The following NFATC2 variants were observed in gnomAD, a reference collection of about 807,000 sequenced individuals.
NFATC2 encodes the protein nuclear factor of activated T-cells, cytoplasmic 2.
A neutral mutation model predicts 87.3 loss-of-function variants in NFATC2; 22 were observed. The observed-to-expected ratio is 0.25, with a 90% confidence interval of 0.18 to 0.36. The LOEUF (loss-of-function observed/expected upper bound fraction) is 0.36, where lower values mean the gene tolerates loss of function less well. Among genes scored for constraint, NFATC2 ranks in the 10% least tolerant of loss-of-function variants. NFATC2 has a pLI of 1.00. For missense variants in NFATC2, 1,149 were observed against 1,259.1 expected (o/e 0.91, Z 1.32); for synonymous variants, 565 against 542.2 (o/e 1.04, Z -0.58).
chr20:51,449,420 T>C lies in NFATC2; in HGVS notation c.1849+5128A>G, dbSNP rs1353350788. Among the ~76,000 whole-genome samples the C allele has an allele frequency of 2.0e-5, 3 of 152,204 alleles. No homozygotes were observed. The East Asian group carries it at 5.8e-4, about 29-fold the overall frequency. Reference sequence around the variant, plus strand: ...CCCACCGTGTCCCTAACACCCCCGATTGTCTCTTGTCGTTAATCCAGGAAC... The same window carrying C: ...CCCACCGTGTCCCTAACACCCCCGACTGTCTCTTGTCGTTAATCCAGGAAC... On this transcript the variant is annotated intron_variant, in intron 6 of 10. Transcript: ENST00000371564.
At chr20:51,561,182 A>C (rs569819471) in intron 1 of NFATC2, among the ~76,000 whole-genome samples, 103 of 152,206 alleles carry the variant, frequency 6.8e-4, no homozygotes, top group African/African-American at 2.4e-3. Flanking sequence ...GGACAGGATA[A>C]ACTGGTACCC....
chr20:51,454,101 G>A (rs1476027368), intron 6 of NFATC2, among the ~76,000 whole-genome samples: 3 of 152,102 alleles, frequency 2.0e-5, no homozygotes, highest in Non-Finnish European at 4.4e-5. Context: ...ACAACTTTAT[G>A]GGGTAAGAAA....
chr20:51,455,170 T>C (rs532188291), intron 5 of NFATC2, among the ~76,000 whole-genome samples: 2 of 152,358 alleles, frequency 1.3e-5, no homozygotes, highest in Admixed American at 6.5e-5. Context: ...TTTAGACATA[T>C]TGACTTTGGA....
chr20:51,448,377 C>T (rs1415917516), intron 6 of NFATC2, among the ~76,000 whole-genome samples: 1 of 152,168 alleles, frequency 6.6e-6, no homozygotes, highest in Non-Finnish European at 1.5e-5. Flanking sequence ...CGCAGTGGCT[C>T]GCGCCTGTAA....
intron 7 of NFATC2, 86 bp downstream of exon 7, chr20:51,435,620 T>G (rs566974944): frequency 7.0e-7 from 1 of 1,425,136 alleles, no homozygotes; most frequent in Middle Eastern, 1.8e-4. Flanking sequence ...GGGACACTGA[T>G]GAAGGAAGGA....
rs141135247 is a variant in NFATC2, at chr20:51,439,599, C to T, written c.1850-3838G>A. Among the ~76,000 whole-genome samples the T allele has an allele frequency of 2.8e-3, 426 of 152,318 alleles. 1 individual carries two copies. Among genetic ancestry groups the T allele is most frequent in the African/African-American group, 9.5e-3 (396 of 41,574 alleles). On this transcript the variant is annotated intron_variant, in intron 6 of 10. Transcript: ENST00000371564. ...GGTAAGTGTGGGTCACAGGGAAAGA[C>T]GCCCATGGGGGGCAGGGGGAAAGTC...
At chr20:51,529,314 A>G (rs1049776532) in intron 1 of NFATC2, among the ~76,000 whole-genome samples, 1 of 151,988 alleles carries the variant, frequency 6.6e-6, no homozygotes, top group Non-Finnish European at 1.5e-5. Flanking sequence ...GCTGAGCAAA[A>G]GTATTTAAAG....
At chr20:51,414,701 A>T (rs976930894) in intron 9 of NFATC2, among the ~76,000 whole-genome samples, 1 of 151,604 alleles carries the variant, frequency 6.6e-6, no homozygotes, top group East Asian at 1.9e-4. Flanking sequence ...AAAGAAAAAA[A>T]AAAAGTCACA....
At chr20:51,464,785 C>T (rs1485616980) in intron 5 of NFATC2, among the ~76,000 whole-genome samples, 1 of 152,220 alleles carries the variant, frequency 6.6e-6, no homozygotes, top group African/African-American at 2.4e-5. Flanking sequence ...ATTAATCTAT[C>T]ACTCAATATG....
At chr20:51,402,480 A>G (rs1344385472) in intron 9 of NFATC2, among the ~76,000 whole-genome samples, 1 of 2,388 alleles carries the variant, frequency 4.2e-4, no homozygotes, top group Non-Finnish European at 1.5e-3. Flanking sequence ...CTGCCTTTGG[A>G]AAAAAAAAAA....
chr20:51,486,817 T>C (rs184099766), intron 3 of NFATC2, among the ~76,000 whole-genome samples: 17 of 151,938 alleles, frequency 1.1e-4, no homozygotes, highest in Admixed American at 1.1e-3. Flanking sequence ...ACGTTTGGAG[T>C]CTGCCTAAGC....
chr20:51,462,175 C>T (rs1290358422), intron 5 of NFATC2, among the ~76,000 whole-genome samples: 2 of 151,720 alleles, frequency 1.3e-5, no homozygotes, highest in Non-Finnish European at 2.9e-5. Flanking sequence ...TGACTTATGC[C>T]TGTAATCCCA....
intron 3 of NFATC2, among the ~76,000 whole-genome samples, chr20:51,485,369 G>A (rs994022658): frequency 1.3e-5 from 2 of 152,166 alleles, no homozygotes; most frequent in African/African-American, 4.8e-5. Context: ...TCCACTCTCA[G>A]CTTCCAGCTT....
At chr20:51,549,629 G>C (rs1215720015) in intron 1 of NFATC2, among the ~76,000 whole-genome samples, 3 of 152,224 alleles carry the variant, frequency 2.0e-5, no homozygotes, top group African/African-American at 7.2e-5. Context: ...CTCTCACTCT[G>C]TGACCTTTAA....
Position 51,522,215 on chromosome 20 carries a change from A to C in NFATC2, c.1160+866T>G, listed in dbSNP as rs897771202. On this transcript the variant is annotated intron_variant, in intron 2 of 10. Transcript: ENST00000371564. ...CTAATCCATTTTTTAAAAAAACACA[A>C]GGTAGGTTCTATTATTTTCTCACAG... 2.1e-5 allele frequency among the ~76,000 whole-genome samples: 3 copies of C among 141,936 alleles called. No homozygotes were observed. In the East Asian group the frequency reaches 6.4e-4, roughly 30 times the overall value. 93.1% of individuals were successfully genotyped at this position (141,936 alleles called of 152,430 possible). A position where few individuals can be genotyped will look rare whatever the true frequency, so the allele number is the denominator to read the frequency against.
Position 51,387,682 on chromosome 20 carries a change from C to A in NFATC2, c.*3814G>T, listed in dbSNP as rs1985907180. ...CGAAACGTAATGCCCTAGCCTCGAG[C>A]CTAGGAGACCCAAGGTTAAGATGCG... On this transcript the variant is annotated 3_prime_UTR_variant, in exon 11 of 11. Transcript: ENST00000371564. 2 of 152,066 alleles carry A rather than the reference C, an allele frequency of 1.3e-5. No homozygotes were observed. Among genetic ancestry groups the A allele is most frequent in the South Asian group, 4.2e-4 (2 of 4,818 alleles). 9.4% of individuals were successfully genotyped at this position (152,066 alleles called of 1,614,324 possible).
intron 10 of NFATC2, among the ~76,000 whole-genome samples, chr20:51,398,012 C>T (rs1441745509): frequency 6.6e-6 from 1 of 152,164 alleles, no homozygotes; most frequent in Non-Finnish European, 1.5e-5. Context: ...TCTGTGGAGG[C>T]CCATCGAGGT....
At chr20:51,394,340 C>T (rs543273988) in intron 10 of NFATC2, among the ~76,000 whole-genome samples, 6 of 152,174 alleles carry the variant, frequency 3.9e-5, no homozygotes, top group Non-Finnish European at 7.4e-5. Flanking sequence ...CAGGGGAACC[C>T]CAGTGCCCTT....
chr20:51,406,789 C>T (rs907548264), intron 9 of NFATC2, among the ~76,000 whole-genome samples: 1 of 152,280 alleles, frequency 6.6e-6, no homozygotes, highest in East Asian at 1.9e-4. Flanking sequence ...AGCTCCATAG[C>T]GGCGCCTGTC....
Sources: gnomAD v4.1 joint callset for allele counts (sites outside exome capture counted in the v4.1 genomes callset) on GRCh38, gnomAD v4.1.1 for gene constraint, MANE v1.5 for transcripts, NCBI Gene and HGNC (gene_info 2026-07-23, HGNC 2026-07-21) for gene names.